GGT5: variants seen among roughly 807,000 people sequenced by gnomAD.
GGT5 encodes gamma-glutamyltransferase 5.
GGT5 carries 50 observed loss-of-function variants against 58.1 expected under a neutral mutation model. The ratio of observed to expected loss-of-function variants is 0.86; its 90% CI spans 0.69 to 1.09. The LOEUF (loss-of-function observed/expected upper bound fraction) is 1.09, where lower values mean the gene tolerates loss of function less well. Ranked by LOEUF, GGT5 falls within the 50% of genes least tolerant of loss-of-function variation. The probability of loss-of-function intolerance (pLI) is 0.00; values close to 1 mark genes in which losing one functional copy is unlikely to be tolerated. For synonymous variants in GGT5, 370 were observed against 346.1 expected (o/e 1.07, Z -0.77); for missense variants, 800 against 789.4 (o/e 1.01, Z -0.16).
intron 6 of GGT5, among the ~76,000 whole-genome samples, chr22:24,227,061 T>TC (rs941823181): frequency 1.7e-4 from 25 of 150,234 alleles, no homozygotes; most frequent in South Asian, 1.1e-3. Context: ...TGATTCTTGG[T>TC]CCTTAGTCTC....
intron 6 of GGT5, among the ~76,000 whole-genome samples, chr22:24,228,405 A>T (rs2047839758): frequency 6.6e-6 from 1 of 151,972 alleles, no homozygotes; most frequent in Non-Finnish European, 1.5e-5. Flanking sequence ...TGCCACCCTT[A>T]TCACTTTTCC....
rs8137278 is a variant in GGT5 at position 24,238,778 on chromosome 22, T to A, written c.174-4774A>T. On this transcript the variant is annotated intron_variant, in intron 1 of 11. Transcript: ENST00000327365. The stretch of plus-strand genomic sequence containing the variant: ...TATATGGAATATATATATATATATA[T>A]AATATATATTATATATTTATATATA... Among the ~76,000 whole-genome samples the A allele has an allele frequency of 1.6e-3, 44 of 26,888 alleles. 2 individuals are homozygous for A. The highest frequency in any genetic ancestry group is 5.9e-3 in the South Asian group (5 of 844). 17.6% of individuals were successfully genotyped at this position (26,888 alleles called of 152,430 possible). A position where few individuals can be genotyped will look rare whatever the true frequency, so the allele number is the denominator to read the frequency against.
In GGT5 at chr22:24,244,707, C is replaced by A. The variant is rs774775193; in HGVS notation, c.19G>T (p.Ala7Ser). 3 of 1,610,906 alleles carry A rather than the reference C, an allele frequency of 1.9e-6. No homozygotes were observed. In the African/African-American group the frequency reaches 4.0e-5, roughly 22 times the overall value. ...CCCAGCAGGACTAGGCTGACCGTGG[C>A]CCCGTAGCCCCGGGCCATGGCTCTG... MARGYG[A>S]TVSLVLLGLG... Residue 7 changes from alanine (A) to serine (S), a missense_variant, in exon 1 of 12, where the codon GCC (alanine) becomes TCC (serine). Physicochemically the swap from Ala to Ser is moderately conservative, Grantham distance 99. Coordinates refer to ENST00000327365, the MANE Select transcript of GGT5 (RefSeq NM_004121.5).
At chr22:24,234,347 C>T (rs940133301) in intron 1 of GGT5, among the ~76,000 whole-genome samples, 1 of 152,220 alleles carries the variant, frequency 6.6e-6, no homozygotes, top group Non-Finnish European at 1.5e-5. Flanking sequence ...CAGTCCCTCA[C>T]AGTGGCCTCA....
intron 1 of GGT5, chr22:24,241,230 A>G (rs1317699973): frequency 3.3e-5 from 5 of 152,072 alleles, no homozygotes; most frequent in African/African-American, 1.2e-4. Flanking sequence ...GAAACTGGAT[A>G]TAGAAGTTTT....
chr22:24,229,081 C>A (rs2148904493), intron 6 of GGT5, among the ~76,000 whole-genome samples: 1 of 150,122 alleles, frequency 6.7e-6, no homozygotes, highest in Non-Finnish European at 1.5e-5. Context: ...GTGACAAGAG[C>A]AAAACTCCAT....
In GGT5 at chr22:24,225,093, T is replaced by C; in HGVS notation, c.1517A>G (p.Lys506Arg). Residue 506 changes from lysine to arginine, a missense_variant, in exon 11 of 12, where the codon AAG (lysine) becomes AGG (arginine). Transcript: ENST00000327365. ...TCTCAGGTCAAAGCCAAGCCACAGCTTGCTCATGATGGCCTGGGGGAGAGA... is the reference window on the plus strand; with the variant it reads ...TCTCAGGTCAAAGCCAAGCCACAGCCTGCTCATGATGGCCTGGGGGAGAGA... ...ISAVAQAIMS[K>R]LWLGFDLRAA... The C allele has an allele frequency of 6.2e-7, 1 of 1,602,402 alleles. No individual in the cohort carries two copies. The highest frequency in any genetic ancestry group is 1.1e-5 in the South Asian group (1 of 89,618).
At position 24,244,780 on chromosome 22, in the gene GGT5, G is replaced by A; in HGVS notation, c.-55C>T. 1 of 1,539,326 alleles carries A rather than the reference G, an allele frequency of 6.5e-7. No homozygotes were observed. The highest frequency in any genetic ancestry group is 2.0e-5 in the Admixed American group (1 of 49,472). On this transcript the variant is annotated 5_prime_UTR_variant, in exon 1 of 12. Transcript: ENST00000327365. The stretch of plus-strand genomic sequence containing the variant: ...CTGGTGGGCAGACGGAGGGACGGAT[G>A]GGTGGGCAGATGAATGGACAAGAAG...
rs141947400 is a variant in GGT5 at position 24,226,688 on chromosome 22, C to T, written c.981G>A (p.Lys327=). ...NVYHHLVETL[K]FAKGQRWRLG... is the part of the protein sequence containing the mutation. ...GCCTCCACCTCTGCCCCTTGGCAAA[C>T]TTGAGCGTCTCTACAAGGTGGTGGT... The change falls in exon 7 of 12, where the codon AAG becomes AAA. Residue 327 remains lysine, a synonymous_variant. Coordinates refer to ENST00000327365, the MANE Select transcript of GGT5 (RefSeq NM_004121.5). 3.9e-3 allele frequency: 6,329 copies of T among 1,614,060 alleles called. 25 individuals carry two copies. Among genetic ancestry groups the T allele is most frequent in the Middle Eastern group, 0.025 (154 of 6,062 alleles).
At chr22:24,225,774 C>T in intron 8 of GGT5, 122 bp from the exon 9 acceptor site, 2 of 701,664 alleles carry the variant, frequency 2.9e-6, no homozygotes, top group South Asian at 1.6e-5. Flanking sequence ...GCTGAAGCCG[C>T]TATTCTCTCC....
intron 1 of GGT5, 28 bp downstream of exon 1, chr22:24,244,525 A>G: frequency 1.2e-6 from 2 of 1,601,306 alleles, no homozygotes; most frequent in Non-Finnish European, 1.7e-6. Flanking sequence ...GCCAAGGGCC[A>G]CCCAGCTTCC....
chr22:24,238,404 C>T (rs981944853), intron 1 of GGT5, among the ~76,000 whole-genome samples: 4 of 151,052 alleles, frequency 2.6e-5, no homozygotes, highest in Admixed American at 1.3e-4. Context: ...TGGTGTCATG[C>T]GCCTGTTGTA....
At chr22:24,236,219 T>C (rs2048090278) in intron 1 of GGT5, among the ~76,000 whole-genome samples, 2 of 152,182 alleles carry the variant, frequency 1.3e-5, no homozygotes, top group African/African-American at 4.8e-5. Flanking sequence ...AAATGGCTCC[T>C]CTCCTAGTCC....
At chr22:24,235,932 C>T (rs1462738244) in intron 1 of GGT5, among the ~76,000 whole-genome samples, 1 of 152,164 alleles carries the variant, frequency 6.6e-6, no homozygotes, top group East Asian at 1.9e-4. Flanking sequence ...GGTTTTCGTC[C>T]CACCTCCCTG....
chr22:24,221,303 C>T (rs9608250), intron 11 of GGT5, among the ~76,000 whole-genome samples: 44,051 of 150,688 alleles, frequency 0.29, 7,919 homozygotes, highest in African/African-American at 0.51. Flanking sequence ...TTAGGAGTCA[C>T]GCAGCTGAAG....
At chr22:24,231,339 T>TGG in intron 6 of GGT5, 45 bp downstream of exon 6, 2 of 949,800 alleles carry the variant, frequency 2.1e-6, no homozygotes, top group Non-Finnish European at 2.7e-6. Context: ...GGGCCGGGGG[T>TGG]GCGGGGGAGG....
At position 24,233,603 on chromosome 22, in the gene GGT5, G is replaced by A. The variant is rs767241056; in HGVS notation, c.305-10C>T. The A allele has an allele frequency of 2.6e-6, 4 of 1,563,142 alleles. No homozygotes were observed. The highest frequency in any genetic ancestry group is 2.3e-5 in the East Asian group (1 of 44,442). ...ATGACCTCCACCTTCCCTGGAGTAG[G>A]GCAGGGCAGGTGAGTGGTCATGGAC... On this transcript the variant is annotated splice_polypyrimidine_tract_variant and intron_variant, in intron 2 of 11. Transcript: ENST00000327365.
Position 24,226,141 on chromosome 22 carries a change from C to T in GGT5, c.1164G>A (p.Thr388=), listed in dbSNP as rs531021500. Residue 388 remains threonine (T), a synonymous_variant, in exon 8 of 12, where the codon ACG becomes ACA. Coordinates refer to ENST00000327365, the MANE Select transcript of GGT5 (RefSeq NM_004121.5). ...LAEAWGHGTG[T]SHVSVLGEDG... is the part of the protein sequence containing the mutation. The stretch of plus-strand genomic sequence containing the variant: ...CCTCCCCCAGCACAGACACATGGGA[C>T]GTGCCTGTCCCGTGGCCCCAGGCCT... The T allele has an allele frequency of 5.4e-4, 874 of 1,611,024 alleles. 14 individuals are homozygous for T. The South Asian group carries it at 8.6e-3, about 16-fold the overall frequency.
chr22:24,220,371 T>A (rs2047554253), intron 11 of GGT5: 1 of 608,282 alleles, frequency 1.6e-6, no homozygotes, highest in East Asian at 3.4e-5. Flanking sequence ...TGCAAGTTCA[T>A]GTCTGTTCTG....
Sources: allele counts gnomAD v4.1 joint callset (sites outside exome capture counted in the v4.1 genomes callset), GRCh38; gene constraint gnomAD v4.1.1; transcripts MANE v1.5; gene names NCBI Gene and HGNC (gene_info 2026-07-23, HGNC 2026-07-21).